Variants in GMDS observed in about 807,000 individuals in gnomAD.
GMDS encodes the protein GDP-mannose 4,6-dehydratase, also known as GDP-mannose 4,6 dehydratase.
In GMDS, 20 loss-of-function variants were observed where a neutral mutation model predicts 49.9. That is an observed-to-expected ratio of 0.40 (90% CI 0.28 to 0.58). The LOEUF (loss-of-function observed/expected upper bound fraction) is 0.58, where lower values mean the gene tolerates loss of function less well. GMDS is among the 20% of genes least tolerant of loss of function. The probability of loss-of-function intolerance (pLI) is 0.42; values close to 1 mark genes in which losing one functional copy is unlikely to be tolerated. For missense variants in GMDS, 362 were observed against 481.4 expected (o/e 0.75, Z 2.32); for synonymous variants, 177 against 178.6 (o/e 0.99, Z 0.07).
chr6:1,722,721 G>A (rs1359219180), intron 9 of GMDS, among the ~76,000 whole-genome samples: 2 of 152,200 alleles, frequency 1.3e-5, no homozygotes, highest in African/African-American at 4.8e-5. Flanking sequence ...TCAAACTCAG[G>A]CAGTTTGGCC....
In GMDS at chr6:1,660,444, C is replaced by T. The variant is rs116500711; in HGVS notation, c.988-35904G>A. On this transcript the variant is annotated intron_variant, in intron 9 of 10. Transcript: ENST00000380815. ...CACAATGTGCCCAGAAAACTAAGAA[C>T]GCCATTTTGGCTTTCTGAAACTTTG... 8.6e-3 allele frequency among the ~76,000 whole-genome samples: 1,313 copies of T among 152,164 alleles called. 19 individuals are homozygous for T. The highest frequency in any genetic ancestry group is 0.031 in the African/African-American group (1,266 of 41,506).
In GMDS at chr6:2,088,511, C is replaced by T. The variant is rs964501946; in HGVS notation, c.345+27260G>A. Among the ~76,000 whole-genome samples the T allele has an allele frequency of 6.6e-5, 10 of 152,270 alleles. 2 individuals carry two copies. In the South Asian group the frequency reaches 8.3e-4, roughly 13 times the overall value. On this transcript the variant is annotated intron_variant, in intron 4 of 10. Coordinates refer to ENST00000380815, the MANE Select transcript of GMDS (RefSeq NM_001500.4). ...GATAACTCACACATTCTTCCAGTCT[C>T]GAAATTCCTTAAGTCTTTGGGTTGT...
At chr6:1,746,287 T>C (rs961315554) in intron 7 of GMDS, among the ~76,000 whole-genome samples, 2 of 152,226 alleles carry the variant, frequency 1.3e-5, no homozygotes, top group African/African-American at 4.8e-5. Flanking sequence ...TTTGGTGTCC[T>C]TTGAGGATGT....
At chr6:2,091,120 T>A (rs1171412142) in intron 4 of GMDS, among the ~76,000 whole-genome samples, 1 of 152,234 alleles carries the variant, frequency 6.6e-6, no homozygotes, top group Non-Finnish European at 1.5e-5. Context: ...AATTGCTTAC[T>A]TTTAAAGTAC....
chr6:1,711,426 C>T lies in GMDS; in HGVS notation c.987+14990G>A, dbSNP rs182230786. 7.9e-5 allele frequency among the ~76,000 whole-genome samples: 12 copies of T among 152,316 alleles called. No individual in the cohort carries two copies. In the East Asian group the frequency reaches 2.3e-3, roughly 29 times the overall value. ...AGCCACCCTTGACAAAGGATGCCTG[C>T]GGTTTTGCTTAAAGTAGTAGTATTG... On this transcript the variant is annotated intron_variant, in intron 9 of 10. Coordinates refer to ENST00000380815, the MANE Select transcript of GMDS (RefSeq NM_001500.4).
chr6:2,131,659 C>G (rs1171592484), intron 1 of GMDS, among the ~76,000 whole-genome samples: 1 of 152,176 alleles, frequency 6.6e-6, no homozygotes, highest in Non-Finnish European at 1.5e-5. Flanking sequence ...TAAAGAACAT[C>G]TGTAAATCCA....
intron 7 of GMDS, among the ~76,000 whole-genome samples, chr6:1,900,314 G>A (rs750711082): frequency 1.4e-4 from 21 of 152,190 alleles, no homozygotes; most frequent in Non-Finnish European, 2.5e-4. Context: ...GCGTTATCAT[G>A]CAGAGTCTAC....
intron 9 of GMDS, among the ~76,000 whole-genome samples, chr6:1,650,042 C>T (rs963358330): frequency 6.6e-6 from 1 of 152,166 alleles, no homozygotes; most frequent in Non-Finnish European, 1.5e-5. Context: ...GGGCAAGCAA[C>T]GACTTCCACG....
chr6:1,827,972 A>G lies in GMDS; in HGVS notation c.772-85386T>C, dbSNP rs887065924. On this transcript the variant is annotated intron_variant, in intron 7 of 10. Coordinates refer to ENST00000380815, the MANE Select transcript of GMDS (RefSeq NM_001500.4). ...AAAATGACATAAAACATACCTGAGG[A>G]AGCCTAAACTTTGGACTTACCAGAT... 2.0e-5 allele frequency among the ~76,000 whole-genome samples: 3 copies of G among 152,320 alleles called. No individual in the cohort carries two copies. In the South Asian group the frequency reaches 6.2e-4, roughly 32 times the overall value.
intron 4 of GMDS, among the ~76,000 whole-genome samples, chr6:2,035,993 G>A (rs1769285278): frequency 6.6e-6 from 1 of 152,088 alleles, no homozygotes; most frequent in Non-Finnish European, 1.5e-5. Context: ...AGCCAAAAGA[G>A]TACTTTAAAA....
intron 7 of GMDS, among the ~76,000 whole-genome samples, chr6:1,808,580 A>C (rs375583144): frequency 6.6e-6 from 1 of 152,338 alleles, no homozygotes; most frequent in African/African-American, 2.4e-5. Context: ...AGTGTTTCAT[A>C]CAGTTTAGTA....
intron 1 of GMDS, among the ~76,000 whole-genome samples, chr6:2,241,567 T>C (rs1351494082): frequency 6.6e-6 from 1 of 152,142 alleles, no homozygotes; most frequent in Non-Finnish European, 1.5e-5. Context: ...CCCTCATGAA[T>C]GCTTGGTGCC....
chr6:1,823,832 G>C (rs561032108), intron 7 of GMDS, among the ~76,000 whole-genome samples: 4 of 152,028 alleles, frequency 2.6e-5, no homozygotes, highest in African/African-American at 9.6e-5. Context: ...TTTTGTTGTT[G>C]TTGAGAATCC....
rs1443328066 is a variant in GMDS, at chr6:2,170,207, A to G, written c.103-45476T>C. 3.3e-5 allele frequency among the ~76,000 whole-genome samples: 5 copies of G among 152,126 alleles called. No homozygotes were observed. In the South Asian group the frequency reaches 8.3e-4, roughly 25 times the overall value. The stretch of plus-strand genomic sequence containing the variant: ...AACAACAACGAAACTACATCTCAAA[A>G]AAAAAAAAAGAGAGAAAGAAAGAAA... On this transcript the variant is annotated intron_variant, in intron 1 of 10. Transcript: ENST00000380815.
intron 4 of GMDS, among the ~76,000 whole-genome samples, chr6:1,966,561 T>C (rs2127309230): frequency 6.6e-6 from 1 of 152,288 alleles, no homozygotes; most frequent in Non-Finnish European, 1.5e-5. Context: ...ACTCTAGCCC[T>C]GGGCTCAGTG....
Position 1,629,948 on chromosome 6 carries a change from C to T in GMDS, c.988-5408G>A, listed in dbSNP as rs537974254. Among the ~76,000 whole-genome samples, 3 of 152,224 alleles carry T rather than the reference C, an allele frequency of 2.0e-5. No individual in the cohort carries two copies. In the East Asian group the frequency reaches 5.8e-4, roughly 29 times the overall value. ...CGTGGAAAGTAAATGAGAACGTGGT[C>T]TTCATTATATGCCTACTTGTCAATA... On this transcript the variant is annotated intron_variant, in intron 9 of 10. Transcript: ENST00000380815.
intron 1 of GMDS, among the ~76,000 whole-genome samples, chr6:2,143,249 C>T (rs1776393383): frequency 6.6e-6 from 1 of 152,240 alleles, no homozygotes. Context: ...GTATCACCAG[C>T]TTGGCCTCTT....
chr6:2,228,746 T>C (rs1487284873), intron 1 of GMDS, among the ~76,000 whole-genome samples: 2 of 152,250 alleles, frequency 1.3e-5, no homozygotes, highest in Non-Finnish European at 2.9e-5. Flanking sequence ...CTGCATGGAA[T>C]AGCTTTCTCA....
chr6:1,907,064 T>C (rs1263945294), intron 7 of GMDS, among the ~76,000 whole-genome samples: 1 of 152,188 alleles, frequency 6.6e-6, no homozygotes, highest in Non-Finnish European at 1.5e-5. Context: ...CTTATTTTTC[T>C]GTCATTGTCT....
Sources: allele counts gnomAD v4.1 joint callset (sites outside exome capture counted in the v4.1 genomes callset), GRCh38; gene constraint gnomAD v4.1.1; transcripts MANE v1.5; gene names NCBI Gene and HGNC (gene_info 2026-07-23, HGNC 2026-07-21).